DUSP22: variants seen among roughly 807,000 people sequenced by gnomAD.
DUSP22 encodes the protein dual specificity phosphatase 22, also known as dual specificity protein phosphatase 22.
In DUSP22, 24 loss-of-function variants were observed where a neutral mutation model predicts 24.5. The observed-to-expected ratio is 0.98, with a 90% CI of 0.71 to 1.38. The LOEUF (loss-of-function observed/expected upper bound fraction) is 1.38. DUSP22 is among the 40% of genes most tolerant of loss of function. The pLI is 0.00. For synonymous variants in DUSP22, 160 were observed against 106.4 expected (o/e 1.50, Z -3.10); for missense variants, 330 against 269.2 (o/e 1.23, Z -1.58).
At chr6:333,447 C>A (rs908489858) in intron 3 of DUSP22, among the ~76,000 whole-genome samples, 2 of 152,294 alleles carry the variant, frequency 1.3e-5, no homozygotes, top group Admixed American at 1.3e-4. Flanking sequence ...AGGGAGAAAA[C>A]GTTTTTGATT....
intron 2 of DUSP22, 87 bp from the exon 3 acceptor site, chr6:311,793 G>GT: frequency 7.5e-7 from 1 of 1,326,676 alleles, no homozygotes; most frequent in East Asian, 2.5e-5. Context: ...AAGTCATTTT[G>GT]TGGGTTTTTT....
At chr6:330,000 G>A (rs1429658908) in intron 3 of DUSP22, among the ~76,000 whole-genome samples, 1 of 152,276 alleles carries the variant, frequency 6.6e-6, no homozygotes, top group African/African-American at 2.4e-5. Flanking sequence ...TCGCTCAGTT[G>A]TTAATTGTGG....
chr6:309,717 CA>C (rs1757984464), intron 2 of DUSP22, among the ~76,000 whole-genome samples: 1 of 106,934 alleles, frequency 9.4e-6, no homozygotes, highest in Non-Finnish European at 1.9e-5. Context: ...CACACACACA[CA>C]TACTATAAAG....
chr6:304,563 C>T, intron 1 of DUSP22, 65 bp from the exon 2 acceptor site: 4 of 1,608,420 alleles, frequency 2.5e-6, no homozygotes, highest in Non-Finnish European at 3.4e-6. Context: ...TGGATGAGGC[C>T]CCCTTCTGCA....
Position 348,131 on chromosome 6 carries a change from C to CT in DUSP22, c.293dup (p.Val99GlyfsTer10). The CT allele has an allele frequency of 6.2e-7, 1 of 1,614,288 alleles. No individual in the cohort carries two copies. The highest frequency in any genetic ancestry group is 1.1e-5 in the South Asian group (1 of 91,092). ...GGCCGGGGTCTCCAGGAGCGTGACA[C>CT]TGGTGATCGCATACATCATGACCGT... On this transcript the variant is annotated frameshift_variant, in exon 6 of 7. Coordinates refer to ENST00000419235, the MANE Select transcript of DUSP22 (RefSeq NM_001286555.3). LOFTEE classifies it high-confidence loss of function.
intron 3 of DUSP22, among the ~76,000 whole-genome samples, chr6:312,946 C>T (rs1246088861): frequency 6.6e-6 from 1 of 151,714 alleles, no homozygotes; most frequent in African/African-American, 2.4e-5. Flanking sequence ...CTCCTACTTC[C>T]TTGTATTGTT....
chr6:326,123 C>A, intron 3 of DUSP22: 1 of 240,882 alleles, frequency 4.2e-6, no homozygotes, highest in Non-Finnish European at 7.8e-6. Flanking sequence ...TCTGCTGGTG[C>A]CTGGAGAGTC....
chr6:305,688 G>A (rs1757788327), intron 2 of DUSP22, among the ~76,000 whole-genome samples: 1 of 152,306 alleles, frequency 6.6e-6, no homozygotes, highest in South Asian at 2.1e-4. Context: ...TTCAGAGTTT[G>A]TGTAAGTGAA....
rs1367394698 is a variant in DUSP22 at position 307,499 on chromosome 6, C to T, written c.55+2838C>T. Among the ~76,000 whole-genome samples the T allele has an allele frequency of 2.0e-5, 3 of 152,422 alleles. No individual in the cohort carries two copies. The East Asian group carries it at 5.8e-4, about 29-fold the overall frequency. ...CCACAAACAAACCCAGCTCTGGAGC[C>T]CGGTCTTTGGGTCTTCGATGCTTTG... On this transcript the variant is annotated intron_variant, in intron 2 of 6. Coordinates refer to ENST00000419235, the MANE Select transcript of DUSP22 (RefSeq NM_001286555.3).
rs1760143619 is a variant in DUSP22 at position 350,474 on chromosome 6, G to A, written c.*1523G>A. 8 of 1,172,618 alleles carry A rather than the reference G, an allele frequency of 6.8e-6. No individual in the cohort carries two copies. Among genetic ancestry groups the A allele is most frequent in the Non-Finnish European group, 8.5e-6 (8 of 945,524 alleles). The allele number at this position is 1,172,618 out of a possible 1,614,324, so 72.6% of individuals were successfully genotyped here. ...GAATTCCACCACAAAAAGAGACCCT[G>A]AATAAGAAGAGCAGTTTTCCTGTGC... On this transcript the variant is annotated 3_prime_UTR_variant, in exon 7 of 7. Coordinates refer to ENST00000419235, the MANE Select transcript of DUSP22 (RefSeq NM_001286555.3).
chr6:315,082 C>T (rs1418310601), intron 3 of DUSP22, among the ~76,000 whole-genome samples: 1 of 152,298 alleles, frequency 6.6e-6, no homozygotes, highest in African/African-American at 2.4e-5. Flanking sequence ...ATGTGTTTAT[C>T]CACTGGACCA....
chr6:348,373 G>T, intron 6 of DUSP22, 99 bp downstream of exon 6: 1 of 1,559,552 alleles, frequency 6.4e-7, no homozygotes, highest in Non-Finnish European at 8.7e-7. Flanking sequence ...GTTTGGAGTT[G>T]AAAGGCCCAC....
chr6:310,392 C>T (rs1352321180), intron 2 of DUSP22, among the ~76,000 whole-genome samples: 1 of 152,302 alleles, frequency 6.6e-6, no homozygotes, highest in East Asian at 1.9e-4. Context: ...TAGAAGGGTT[C>T]CACTTCAGGG....
At position 350,816 on chromosome 6, in the gene DUSP22, T is replaced by G. The variant is rs182100405; in HGVS notation, c.*1865T>G. ...ATTTGTTGCCAGTAATGTTCTTTCT[T>G]CACAGCCGCTCCGGGAATTCTGAAG... On this transcript the variant is annotated 3_prime_UTR_variant, in exon 7 of 7. Coordinates refer to ENST00000419235, the MANE Select transcript of DUSP22 (RefSeq NM_001286555.3). The G allele has an allele frequency of 1.2e-6, 2 of 1,614,270 alleles. No homozygotes were observed. Among genetic ancestry groups the G allele is most frequent in the Non-Finnish European group, 1.7e-6 (2 of 1,180,028 alleles).
chr6:348,445 TGCACCTGTTGAAGCCACAG>T, intron 6 of DUSP22, 171 bp downstream of exon 6: 1 of 1,147,430 alleles, frequency 8.7e-7, no homozygotes. Context: ...CGATCCCTCG[TGCACCTGTTGAAGCCACAG>T]GCGCCTACCC....
intron 3 of DUSP22, among the ~76,000 whole-genome samples, chr6:317,290 G>C (rs985118508): frequency 1.3e-3 from 193 of 152,364 alleles, no homozygotes; most frequent in African/African-American, 4.3e-3. Flanking sequence ...GTCTCCTGGA[G>C]GGACCCTGGT....
At chr6:328,309 T>C (rs1408676303) in intron 3 of DUSP22, among the ~76,000 whole-genome samples, 1 of 152,304 alleles carries the variant, frequency 6.6e-6, no homozygotes, top group African/African-American at 2.4e-5. Context: ...GAGACGGAGC[T>C]AGAGTGAATC....
At chr6:298,948 G>A (rs958330342) in intron 1 of DUSP22, among the ~76,000 whole-genome samples, 32 of 152,414 alleles carry the variant, frequency 2.1e-4, no homozygotes, top group African/African-American at 7.2e-4. Flanking sequence ...AAAACAAGGC[G>A]ATATGAGAGA....
At chr6:323,199 G>T (rs1418804072) in intron 3 of DUSP22, among the ~76,000 whole-genome samples, 1 of 152,282 alleles carries the variant, frequency 6.6e-6, no homozygotes, top group East Asian at 1.9e-4. Flanking sequence ...GTTCCCCTCT[G>T]TGTGGCCAGA....
Sources: allele counts gnomAD v4.1 joint callset (sites outside exome capture counted in the v4.1 genomes callset), GRCh38; gene constraint gnomAD v4.1.1; transcripts MANE v1.5; gene names NCBI Gene and HGNC (gene_info 2026-07-23, HGNC 2026-07-21).